DYSF: variants seen among roughly 807,000 people sequenced by gnomAD.
DYSF encodes dysferlin.
In DYSF, 212 loss-of-function variants were observed where a neutral mutation model predicts 274.9. The observed-to-expected ratio is 0.77, with a 90% CI of 0.69 to 0.86. The LOEUF (loss-of-function observed/expected upper bound fraction) is 0.86. Among genes scored for constraint, DYSF ranks in the 40% least tolerant of loss-of-function variants. DYSF has a pLI of 0.00. For missense variants in DYSF, 2,666 were observed against 2,783.2 expected (o/e 0.96, Z 0.95); for synonymous variants, 1,091 against 1,078.7 (o/e 1.01, Z -0.22).
intron 5 of DYSF, among the ~76,000 whole-genome samples, chr2:71,512,279 GC>G (rs1035009498): frequency 8.5e-5 from 13 of 152,296 alleles, no homozygotes; most frequent in Non-Finnish European, 1.9e-4. Context: ...GATACCTGAG[GC>G]CCCACAAACT....
intron 10 of DYSF, among the ~76,000 whole-genome samples, chr2:71,519,237 T>C (rs1037384355): frequency 2.6e-5 from 4 of 152,126 alleles, no homozygotes; most frequent in Admixed American, 6.6e-5. Flanking sequence ...TAAGTCTGTT[T>C]ACCTGGAGAA....
chr2:71,686,421 C>T, intron 55 of DYSF, 33 bp from the exon 56 acceptor site: 1 of 1,613,552 alleles, frequency 6.2e-7, no homozygotes, highest in South Asian at 1.1e-5. Context: ...CCAGTGGGAT[C>T]ACCATGGGTC....
At chr2:71,635,244 A>G (rs975830322) in intron 41 of DYSF, among the ~76,000 whole-genome samples, 2 of 152,222 alleles carry the variant, frequency 1.3e-5, no homozygotes, top group African/African-American at 2.4e-5. Context: ...TCTTTCGCCT[A>G]TGATGGGGAA....
chr2:71,641,192 T>TTG (rs1347633463), intron 41 of DYSF, among the ~76,000 whole-genome samples: 30 of 149,014 alleles, frequency 2.0e-4, no homozygotes, highest in Admixed American at 2.7e-4. Flanking sequence ...TTTTTTTTTT[T>TTG]TTTTGAGACG....
intron 20 of DYSF, among the ~76,000 whole-genome samples, 155 bp from the exon 21 acceptor site, chr2:71,553,652 G>C (rs1031738102): frequency 6.6e-6 from 1 of 152,182 alleles, no homozygotes; most frequent in Non-Finnish European, 1.5e-5. Context: ...TAGATGGGAA[G>C]GGTGAGCAGG....
intron 51 of DYSF, among the ~76,000 whole-genome samples, chr2:71,672,623 T>TG (rs1420745141): frequency 3.3e-5 from 5 of 152,210 alleles, no homozygotes; most frequent in African/African-American, 7.2e-5. Flanking sequence ...GCCTGGGACC[T>TG]GGGGGGGTTC....
intron 24 of DYSF, among the ~76,000 whole-genome samples, chr2:71,566,880 C>G (rs1280281097): frequency 6.6e-6 from 1 of 152,214 alleles, no homozygotes; most frequent in Non-Finnish European, 1.5e-5. Flanking sequence ...TTGGCATGTC[C>G]TCTGCCCCTT....
rs568741554 is a variant in DYSF at position 71,681,351 on chromosome 2, A to C, written c.6173+241A>C. On this transcript the variant is annotated intron_variant, in intron 54 of 55. Coordinates refer to ENST00000410020, the MANE Select transcript of DYSF (RefSeq NM_001130987.2). The stretch of plus-strand genomic sequence containing the variant: ...ATTGGGTACCTGTTGGTTGTGTGCC[A>C]AGCATGCTATCCTATGCATGTGTAC... Among the ~76,000 whole-genome samples, 9 of 152,340 alleles carry C rather than the reference A, an allele frequency of 5.9e-5. 1 individual carries two copies. In the South Asian group the frequency reaches 1.7e-3, roughly 28 times the overall value.
chr2:71,490,830 C>T (rs796561307), intron 3 of DYSF, among the ~76,000 whole-genome samples: 20 of 152,232 alleles, frequency 1.3e-4, no homozygotes, highest in African/African-American at 2.9e-4. Flanking sequence ...ATGTGTGCAC[C>T]GTAATTTACC....
rs1406317660 is a variant in DYSF at position 71,658,896 on chromosome 2, C to T, written c.4774C>T (p.Pro1592Ser). The T allele has an allele frequency of 1.2e-6, 2 of 1,614,104 alleles. No homozygotes were observed. The highest frequency in any genetic ancestry group is 1.1e-5 in the South Asian group (1 of 91,076). Residue 1592 changes from proline (P) to serine (S), a missense_variant, in exon 44 of 56, where the codon CCC (proline) becomes TCC (serine). Transcript: ENST00000410020. ...TTTTCAGGGCCTCTTCAAAATTTAT[C>T]CCCTCCCAGAAGACCCAGCCATCCC... ...GEFKGLFKIY[P>S]LPEDPAIPMP... is the part of the protein sequence containing the mutation.
Position 71,515,682 on chromosome 2 carries a change from CAAG to C in DYSF, c.820_822del (p.Lys274del). On this transcript the variant is annotated inframe_deletion, in exon 8 of 56. Coordinates refer to ENST00000410020, the MANE Select transcript of DYSF (RefSeq NM_001130987.2). The stretch of plus-strand genomic sequence containing the variant: ...CGGGGGTGAACATCAAGCCTGTGGT[CAAG>C]GTTACCGCTGCAGGGCAGACCAAGC... 1 of 1,614,050 alleles carries C rather than the reference CAAG, an allele frequency of 6.2e-7. No homozygotes were observed. The highest frequency in any genetic ancestry group is 8.5e-7 in the Non-Finnish European group (1 of 1,180,004).
intron 41 of DYSF, among the ~76,000 whole-genome samples, chr2:71,627,632 G>T (rs1007286747): frequency 2.0e-4 from 30 of 151,984 alleles, no homozygotes; most frequent in African/African-American, 6.5e-4. Context: ...CCTGATTTTT[G>T]TGTGTGTGTG....
rs67190543 is a variant in DYSF, at chr2:71,611,166, C to T, written c.3958-79C>T. On this transcript the variant is annotated intron_variant, in intron 36 of 55. Transcript: ENST00000410020. The stretch of plus-strand genomic sequence containing the variant: ...CCTGCACTTGGCATTTCTTTCTGTC[C>T]TATCTGTCCTTCTCTCTTGTCTTTT... 0.032 allele frequency: 34,033 copies of T among 1,061,300 alleles called. 1,068 individuals carry two copies. The highest frequency in any genetic ancestry group is 0.15 in the African/African-American group (9,385 of 63,984). 65.7% of individuals were successfully genotyped at this position (1,061,300 alleles called of 1,614,324 possible).
intron 47 of DYSF, 39 bp downstream of exon 47, chr2:71,665,343 G>A (rs143732031): frequency 1.3e-5 from 21 of 1,613,280 alleles, no homozygotes; most frequent in Middle Eastern, 1.6e-4. Flanking sequence ...GTGGGCTCTC[G>A]CTGTATCCCT....
At chr2:71,518,554 C>T (rs975767629) in intron 10 of DYSF, among the ~76,000 whole-genome samples, 4 of 151,818 alleles carry the variant, frequency 2.6e-5, no homozygotes, top group Non-Finnish European at 4.4e-5. Flanking sequence ...CATGAGCCAC[C>T]GTGCCTGGCC....
intron 4 of DYSF, among the ~76,000 whole-genome samples, chr2:71,505,594 C>T (rs566344088): frequency 8.5e-5 from 13 of 152,326 alleles, no homozygotes; most frequent in Admixed American, 2.6e-4. Context: ...AGATATAGCA[C>T]GCTGGGCTGT....
At chr2:71,516,965 A>G in intron 9 of DYSF, 24 bp from the exon 10 acceptor site, 1 of 1,613,564 alleles carries the variant, frequency 6.2e-7, no homozygotes. Context: ...TGTGAATGTG[A>G]GTTTCCATGA....
At chr2:71,582,397 T>C (rs796330579) in intron 30 of DYSF, among the ~76,000 whole-genome samples, 8 of 152,320 alleles carry the variant, frequency 5.3e-5, no homozygotes, top group African/African-American at 1.9e-4. Context: ...CTGTCAGCAC[T>C]CCCATTCCAT....
intron 33 of DYSF, 134 bp from the exon 34 acceptor site, chr2:71,600,568 A>G (rs2093525278): frequency 1.2e-5 from 15 of 1,267,932 alleles, no homozygotes; most frequent in South Asian, 1.1e-4. Context: ...AGAATTCACC[A>G]TTCTGTGGGA....
Sources: allele counts gnomAD v4.1 joint callset (sites outside exome capture counted in the v4.1 genomes callset), GRCh38; gene constraint gnomAD v4.1.1; transcripts MANE v1.5; gene names NCBI Gene and HGNC (gene_info 2026-07-23, HGNC 2026-07-21).